DERA: variants seen among roughly 807,000 people sequenced by gnomAD.
The protein encoded by DERA is deoxyribose-phosphate aldolase, also known as 2-deoxy-D-ribose 5-phosphate aldolase.
In DERA, 15 loss-of-function variants were observed where a neutral mutation model predicts 41.1. The ratio of observed to expected loss-of-function variants is 0.37; its 90% CI spans 0.24 to 0.56. DERA has a LOEUF of 0.56. DERA is among the 20% of genes least tolerant of loss of function. DERA has a pLI of 0.81. For missense variants in DERA, 396 were observed against 403.4 expected (o/e 0.98, Z 0.16); for synonymous variants, 139 against 137.4 (o/e 1.01, Z -0.08).
In DERA at chr12:15,936,125, C is replaced by T. The variant is rs1000325469; in HGVS notation, c.32-20811C>T. Among the ~76,000 whole-genome samples the T allele has an allele frequency of 5.9e-5, 9 of 152,298 alleles. No individual in the cohort carries two copies. The highest frequency in any genetic ancestry group is 3.3e-4 in the Admixed American group (5 of 15,300). ...TTTCTTACCAAATATTGAAGTCACA[C>T]GTGGGTATTTCCACAATCTCCACTT... On this transcript the variant is annotated intron_variant, in intron 1 of 8. Coordinates refer to ENST00000428559, the MANE Select transcript of DERA (RefSeq NM_015954.4). This position sits in a 1 kb window ranked among gnomAD's most constrained non-coding sequence, Gnocchi z 4.6.
chr12:16,034,427 T>C (rs1419997184), intron 7 of DERA, among the ~76,000 whole-genome samples: 1 of 152,222 alleles, frequency 6.6e-6, no homozygotes, highest in Non-Finnish European at 1.5e-5. Flanking sequence ...TTTTTAATTG[T>C]ATTGATTCTT....
At position 15,966,211 on chromosome 12, in the gene DERA, C is replaced by T. The variant is rs150226730; in HGVS notation, c.508+3264C>T. Among the ~76,000 whole-genome samples, 6 of 152,234 alleles carry T rather than the reference C, an allele frequency of 3.9e-5. No homozygotes were observed. Among genetic ancestry groups the T allele is most frequent in the Admixed American group, 2.0e-4 (3 of 15,298 alleles). ...CTGCTGCCGCCCTAAGCTCTGGTTCCGCAGCAACGCTCTGGAGTGAGGCGT... is the reference window on the plus strand; with the variant it reads ...CTGCTGCCGCCCTAAGCTCTGGTTCTGCAGCAACGCTCTGGAGTGAGGCGT... On this transcript the variant is annotated intron_variant, in intron 5 of 8. Transcript: ENST00000428559. The surrounding 1 kb of genome is among the most constrained non-coding windows in gnomAD (Gnocchi z 5.1).
rs1948751554 is a variant in DERA, at chr12:15,984,454, G to A, written c.637+2018G>A. On this transcript the variant is annotated intron_variant, in intron 6 of 8. Transcript: ENST00000428559. The surrounding 1 kb of genome is among the most constrained non-coding windows in gnomAD (Gnocchi z 4.5). ...TCCACTTCATTTCTTCATTTAAGCA[G>A]TGTTTGTTGAGCACTTAGTATGAGT... 6.6e-6 allele frequency among the ~76,000 whole-genome samples: 1 copy of A among 152,094 alleles called. No individual in the cohort carries two copies. Among genetic ancestry groups the A allele is most frequent in the South Asian group, 2.1e-4 (1 of 4,832 alleles).
chr12:16,023,751 A>ACGGCCTCC (rs1949034872), intron 6 of DERA, among the ~76,000 whole-genome samples: 1 of 152,150 alleles, frequency 6.6e-6, no homozygotes, highest in Non-Finnish European at 1.5e-5. Flanking sequence ...TGCTGGGATT[A>ACGGCCTCC]CAGGCGTGAG....
chr12:15,987,829 G>A lies in DERA; in HGVS notation c.637+5393G>A, dbSNP rs75062477. 1.8e-3 allele frequency among the ~76,000 whole-genome samples: 274 copies of A among 152,124 alleles called. 6 individuals carry two copies. In the East Asian group the frequency reaches 0.04, roughly 22 times the overall value. On this transcript the variant is annotated intron_variant, in intron 6 of 8. Transcript: ENST00000428559. The stretch of plus-strand genomic sequence containing the variant: ...TGGACTTGTTCCACCCACTTGGCCC[G>A]GCAGGCTGCACTTGGCTCACACTGC...
At chr12:15,946,010 G>C (rs1278948591) in intron 1 of DERA, among the ~76,000 whole-genome samples, 1 of 152,166 alleles carries the variant, frequency 6.6e-6, no homozygotes, top group Non-Finnish European at 1.5e-5. Context: ...CTTTGCTTCT[G>C]TTTATATGCT....
In DERA at chr12:16,036,381, G is replaced by C; in HGVS notation, c.900G>C (p.Gln300His). 1 of 1,591,134 alleles carries C rather than the reference G, an allele frequency of 6.3e-7. No individual in the cohort carries two copies. The highest frequency in any genetic ancestry group is 8.5e-7 in the Non-Finnish European group (1 of 1,171,920). Residue 300 changes from glutamine (Q) to histidine (H), a missense_variant and splice_region_variant, in exon 8 of 9, where the codon CAG (glutamine) becomes CAC (histidine). Coordinates refer to ENST00000428559, the MANE Select transcript of DERA (RefSeq NM_015954.4). The surrounding 1 kb of genome is among the most constrained non-coding windows in gnomAD (Gnocchi z 4.9). ...ASTLLSDIER[Q>H]IYHHVTGRYA... Reference sequence around the variant, plus strand: ...CTCTGCTCTCGGACATTGAGAGGCAGGTGAGTAATCATCTCTGTCTTTGGA... The same window carrying C: ...CTCTGCTCTCGGACATTGAGAGGCACGTGAGTAATCATCTCTGTCTTTGGA...
At position 16,036,220 on chromosome 12, in the gene DERA, C is replaced by G; in HGVS notation, c.751-12C>G. 3 of 1,588,496 alleles carry G rather than the reference C, an allele frequency of 1.9e-6. No individual in the cohort carries two copies. Among genetic ancestry groups the G allele is most frequent in the East Asian group, 2.3e-5 (1 of 44,286 alleles). ...CAATAAAGATTGTTCTATTCTCTGC[C>G]TTCCCATTTAGATAGGGTTTAAACC... is the stretch of plus-strand genomic sequence containing the variant. On this transcript the variant is annotated splice_polypyrimidine_tract_variant and intron_variant, in intron 7 of 8. Transcript: ENST00000428559. This position sits in a 1 kb window ranked among gnomAD's most constrained non-coding sequence, Gnocchi z 4.9.
intron 1 of DERA, among the ~76,000 whole-genome samples, chr12:15,934,643 A>G (rs1007576779): frequency 6.6e-6 from 1 of 152,182 alleles, no homozygotes; most frequent in African/African-American, 2.4e-5. Context: ...TAGTAAATTC[A>G]AAACAAAATG....
rs1948367015 is a variant in DERA, at chr12:15,936,770, G to A, written c.32-20166G>A. Among the ~76,000 whole-genome samples the A allele has an allele frequency of 6.6e-6, 1 of 152,070 alleles. No homozygotes were observed. Among genetic ancestry groups the A allele is most frequent in the South Asian group, 2.1e-4 (1 of 4,822 alleles). The stretch of plus-strand genomic sequence containing the variant: ...ATCATTATACTGGGTTATGTTTTGT[G>A]TAGATTGTCTCACCACCCGGATTTG... On this transcript the variant is annotated intron_variant, in intron 1 of 8. Coordinates refer to ENST00000428559, the MANE Select transcript of DERA (RefSeq NM_015954.4). The surrounding 1 kb of genome is among the most constrained non-coding windows in gnomAD (Gnocchi z 4.6).
Position 16,012,206 on chromosome 12 carries a change from G to A in DERA, c.638-20336G>A, listed in dbSNP as rs1442194653. Among the ~76,000 whole-genome samples the A allele has an allele frequency of 5.3e-5, 8 of 152,100 alleles. No homozygotes were observed. The highest frequency in any genetic ancestry group is 5.2e-4 in the Admixed American group (8 of 15,258). On this transcript the variant is annotated intron_variant, in intron 6 of 8. Coordinates refer to ENST00000428559, the MANE Select transcript of DERA (RefSeq NM_015954.4). The surrounding 1 kb of genome is among the most constrained non-coding windows in gnomAD (Gnocchi z 4.1). ...GAGGAGTTGAGTTGAGCACAGAGAT[G>A]TGATACAAGTCCTACACAGTCATGA...
In DERA at chr12:15,986,668, T is replaced by A. The variant is rs183921526; in HGVS notation, c.637+4232T>A. 6.3e-3 allele frequency among the ~76,000 whole-genome samples: 961 copies of A among 152,238 alleles called. 11 individuals are homozygous for A. Among genetic ancestry groups the A allele is most frequent in the African/African-American group, 0.022 (902 of 41,496 alleles). On this transcript the variant is annotated intron_variant, in intron 6 of 8. Coordinates refer to ENST00000428559, the MANE Select transcript of DERA (RefSeq NM_015954.4). The stretch of plus-strand genomic sequence containing the variant: ...CTTTTCTATATATATTACAAACCTC[T>A]TACTACAATGATACGAATTTTTAAC...
In DERA at chr12:15,989,294, G is replaced by A. The variant is rs1342856341; in HGVS notation, c.637+6858G>A. Among the ~76,000 whole-genome samples the A allele has an allele frequency of 1.3e-5, 2 of 152,224 alleles. No individual in the cohort carries two copies. The highest frequency in any genetic ancestry group is 4.8e-5 in the African/African-American group (2 of 41,464). On this transcript the variant is annotated intron_variant, in intron 6 of 8. Coordinates refer to ENST00000428559, the MANE Select transcript of DERA (RefSeq NM_015954.4). The surrounding 1 kb of genome is among the most constrained non-coding windows in gnomAD (Gnocchi z 5.2). Reference sequence around the variant, plus strand: ...CGGTGGCTGCTCCAGACAGGCCACTGCTGCCATCACTTTGATCCTTATTTT... The same window carrying A: ...CGGTGGCTGCTCCAGACAGGCCACTACTGCCATCACTTTGATCCTTATTTT...
In DERA at chr12:15,982,335, G is replaced by C; in HGVS notation, c.536G>C (p.Arg179Pro). Reference sequence around the variant, plus strand: ...CTGTATGATGAGATTCGTCAGTTTCGCAAGGCCTGTGGGGAGGCTCATCTT... The same window carrying C: ...CTGTATGATGAGATTCGTCAGTTTCCCAAGGCCTGTGGGGAGGCTCATCTT... ...EALYDEIRQF[R>P]KACGEAHLKT... The change falls in exon 6 of 9, where the codon CGC (arginine) becomes CCC (proline). Residue 179 changes from arginine (R) to proline (P), a missense_variant. Transcript: ENST00000428559. This position sits in a 1 kb window ranked among gnomAD's most constrained non-coding sequence, Gnocchi z 4.0. 3.7e-6 allele frequency: 6 copies of C among 1,613,322 alleles called. No individual in the cohort carries two copies. Among genetic ancestry groups the C allele is most frequent in the Non-Finnish European group, 5.1e-6 (6 of 1,179,706 alleles).
At chr12:16,032,694 A>G in intron 7 of DERA, 40 bp downstream of exon 7, 1 of 1,256,802 alleles carries the variant, frequency 8.0e-7, no homozygotes, top group Non-Finnish European at 1.1e-6. Flanking sequence ...GAGTAAAGAT[A>G]ATGTTATTTA....
Position 16,024,002 on chromosome 12 carries a change from A to G in DERA, c.638-8540A>G, listed in dbSNP as rs373208446. Among the ~76,000 whole-genome samples, 6 of 152,346 alleles carry G rather than the reference A, an allele frequency of 3.9e-5. No individual in the cohort carries two copies. In the East Asian group the frequency reaches 5.8e-4, roughly 15 times the overall value. On this transcript the variant is annotated intron_variant, in intron 6 of 8. Coordinates refer to ENST00000428559, the MANE Select transcript of DERA (RefSeq NM_015954.4). Reference sequence around the variant, plus strand: ...AATCAGAAACACTGGGACAAAATGAAGAATGCTTTTGATGGGTACATCAGT... The same window carrying G: ...AATCAGAAACACTGGGACAAAATGAGGAATGCTTTTGATGGGTACATCAGT...
At chr12:15,925,957 A>G (rs1948279718) in intron 1 of DERA, among the ~76,000 whole-genome samples, 1 of 148,066 alleles carries the variant, frequency 6.8e-6, no homozygotes, top group Non-Finnish European at 1.5e-5. Flanking sequence ...GAGTAGCTGG[A>G]TTAGAGGCGC....
chr12:15,997,946 G>C (rs1948850263), intron 6 of DERA, among the ~76,000 whole-genome samples: 1 of 152,172 alleles, frequency 6.6e-6, no homozygotes, highest in Non-Finnish European at 1.5e-5. Flanking sequence ...AGATTATAAA[G>C]TGTAAAGAAG....
chr12:15,915,396 A>G lies in DERA; in HGVS notation c.31+3982A>G, dbSNP rs1948191719. On this transcript the variant is annotated intron_variant, in intron 1 of 8. Coordinates refer to ENST00000428559, the MANE Select transcript of DERA (RefSeq NM_015954.4). The surrounding 1 kb of genome is among the most constrained non-coding windows in gnomAD (Gnocchi z 4.8). ...GTACAGAATGTTTCTGATTTGGGTGATGGTGATTTTCCACTGCAAAGTTAA... is the reference window on the plus strand; with the variant it reads ...GTACAGAATGTTTCTGATTTGGGTGGTGGTGATTTTCCACTGCAAAGTTAA... 6.6e-6 allele frequency among the ~76,000 whole-genome samples: 1 copy of G among 152,130 alleles called. No individual in the cohort carries two copies. The highest frequency in any genetic ancestry group is 1.5e-5 in the Non-Finnish European group (1 of 68,016).
Sources: allele counts gnomAD v4.1 joint callset (sites outside exome capture counted in the v4.1 genomes callset), GRCh38; gene constraint gnomAD v4.1.1; non-coding constraint Gnocchi (gnomAD v3.1); transcripts MANE v1.5; gene names NCBI Gene and HGNC (gene_info 2026-07-23, HGNC 2026-07-21).